The following TRPC7 variants were observed in gnomAD, a reference collection of about 807,000 sequenced individuals.
TRPC7 encodes short transient receptor potential channel 7.
TRPC7 carries 42 observed loss-of-function variants against 90.1 expected under a neutral mutation model. The observed-to-expected ratio is 0.47, with a 90% CI of 0.36 to 0.60. TRPC7 has a LOEUF of 0.60. Among genes scored for constraint, TRPC7 ranks in the 20% least tolerant of loss-of-function variants. The pLI, the probability that TRPC7 is intolerant of heterozygous loss-of-function variation, is 0.00. For synonymous variants in TRPC7, 451 were observed against 436.3 expected, an observed-to-expected ratio of 1.03 and a Z score of -0.42; for missense variants, 955 against 1,112.3, an observed-to-expected ratio of 0.86 and a Z score of 2.01.
chr5:136,275,651 C>T (rs1203433830), intron 3 of TRPC7, among the ~76,000 whole-genome samples: 1 of 152,186 alleles, frequency 6.6e-6, no homozygotes, highest in Non-Finnish European at 1.5e-5. Flanking sequence ...ACAAGACAGA[C>T]CTCTTGTGGC....
At chr5:136,311,976 T>G (rs1758846705) in intron 3 of TRPC7, among the ~76,000 whole-genome samples, 1 of 152,190 alleles carries the variant, frequency 6.6e-6, no homozygotes, top group African/African-American at 2.4e-5. Flanking sequence ...CCCATTTAAT[T>G]TTCATTATAA....
chr5:136,239,577 T>C (rs1756091877), intron 7 of TRPC7, among the ~76,000 whole-genome samples: 1 of 152,156 alleles, frequency 6.6e-6, no homozygotes. Flanking sequence ...AATATATCAT[T>C]GATTCTGATG....
chr5:136,353,761 T>G (rs947187254), intron 2 of TRPC7, among the ~76,000 whole-genome samples: 1 of 152,252 alleles, frequency 6.6e-6, no homozygotes, highest in Non-Finnish European at 1.5e-5. Flanking sequence ...CAAGCAAATG[T>G]ATTGATGCAA....
In TRPC7 at chr5:136,315,289, G is replaced by A. The variant is rs192104998; in HGVS notation, c.963+308C>T. On this transcript the variant is annotated intron_variant, in intron 3 of 11. Coordinates refer to ENST00000513104, the MANE Select transcript of TRPC7 (RefSeq NM_020389.3). ...GTTGCTAACTGATAGGAGCCCTCGC[G>A]GTGACATTGTCCCTGCCAGTGGGTT... is the stretch of plus-strand genomic sequence containing the variant. Among the ~76,000 whole-genome samples, 31 of 152,276 alleles carry A rather than the reference G, an allele frequency of 2.0e-4. No homozygotes were observed. The Middle Eastern group carries it at 0.014, about 67-fold the overall frequency.
chr5:136,356,744 G>A lies in TRPC7; in HGVS notation c.644C>T (p.Ser215Leu), dbSNP rs752775491. 6.2e-6 allele frequency: 10 copies of A among 1,612,656 alleles called. No individual in the cohort carries two copies. In the Admixed American group the frequency reaches 1.3e-4, roughly 22 times the overall value. ...EKQRKDSFSH[S>L]RSRMNAYKGL... The stretch of plus-strand genomic sequence containing the variant: ...TTTGTAGGCGTTCATGCGCGAGCGC[G>A]AGTGGCTGAAGGAGTCTTTCCGCTG... The change falls in exon 2 of 12, where the codon TCG (serine) becomes TTG (leucine). Residue 215 changes from serine to leucine, a missense_variant. By Grantham distance (145) the Ser-to-Leu change is moderately radical. Transcript: ENST00000513104.
chr5:136,229,304 T>G (rs190776713), intron 8 of TRPC7, among the ~76,000 whole-genome samples: 5 of 152,326 alleles, frequency 3.3e-5, no homozygotes, highest in Admixed American at 3.3e-4. Context: ...CCTCGCTCAA[T>G]CTATGCTCTT....
chr5:136,213,600 C>G lies in TRPC7; in HGVS notation c.2424G>C (p.Glu808Asp). 6.2e-7 allele frequency: 1 copy of G among 1,613,892 alleles called. No individual in the cohort carries two copies. ...AGATATCTTGCTTGATTTCCTTCAG[C>G]TCGCCTGCAAGGACAGAGGAGATTT... Reference protein sequence around the residue: ...DRENDEVNEGELKEIKQDISS... With the variant: ...DRENDEVNEGDLKEIKQDISS... Residue 808 changes from glutamate (E) to aspartate (D), a missense_variant, in exon 12 of 12, where the codon GAG (glutamate) becomes GAC (aspartate). Transcript: ENST00000513104.
chr5:136,273,370 G>A (rs1319822122), intron 4 of TRPC7, among the ~76,000 whole-genome samples: 1 of 152,180 alleles, frequency 6.6e-6, no homozygotes, highest in African/African-American at 2.4e-5. Context: ...GGGAAATTCT[G>A]ATCTGAAAGT....
chr5:136,310,053 G>T (rs1370500804), intron 3 of TRPC7, among the ~76,000 whole-genome samples: 2 of 152,088 alleles, frequency 1.3e-5, no homozygotes, highest in Non-Finnish European at 1.5e-5. Flanking sequence ...GGCTCACATG[G>T]TCTGTCCCCT....
At chr5:136,353,668 G>A in intron 2 of TRPC7, among the ~76,000 whole-genome samples, 1 of 152,196 alleles carries the variant, frequency 6.6e-6, no homozygotes, top group Non-Finnish European at 1.5e-5. Context: ...TAAAGGAACA[G>A]TTATGTTAAT....
intron 8 of TRPC7, among the ~76,000 whole-genome samples, chr5:136,227,976 A>G (rs1755683810): frequency 6.6e-6 from 1 of 152,134 alleles, no homozygotes; most frequent in African/African-American, 2.4e-5. Flanking sequence ...GTCACTTAGC[A>G]TTGATGGAGC....
chr5:136,272,834 G>A (rs11739588), intron 4 of TRPC7, among the ~76,000 whole-genome samples: 60,343 of 151,892 alleles, frequency 0.4, 12,446 homozygotes, highest in East Asian at 0.51. Flanking sequence ...CATCCCAGGT[G>A]CTATTACCTT....
chr5:136,319,771 C>T (rs185077572), intron 2 of TRPC7, among the ~76,000 whole-genome samples: 145 of 152,280 alleles, frequency 9.5e-4, no homozygotes, highest in Middle Eastern at 3.4e-3. Flanking sequence ...GATACATACT[C>T]TTCACTTGGC....
intron 3 of TRPC7, among the ~76,000 whole-genome samples, chr5:136,279,145 C>G (rs1293729340): frequency 6.6e-6 from 1 of 152,066 alleles, no homozygotes; most frequent in African/African-American, 2.4e-5. Context: ...TCCTGTATGC[C>G]AAGGACAGCA....
At chr5:136,323,460 T>C (rs576670933) in intron 2 of TRPC7, among the ~76,000 whole-genome samples, 1 of 152,338 alleles carries the variant, frequency 6.6e-6, no homozygotes, top group African/African-American at 2.4e-5. Context: ...AGAAGTCTTA[T>C]AGTTTGTGTT....
intron 3 of TRPC7, among the ~76,000 whole-genome samples, chr5:136,294,238 C>T (rs947741434): frequency 1.2e-4 from 19 of 152,148 alleles, no homozygotes; most frequent in African/African-American, 4.6e-4. Flanking sequence ...TGGGCAAGGA[C>T]TTCATGTCTA....
chr5:136,229,037 G>A (rs994139586), intron 8 of TRPC7, among the ~76,000 whole-genome samples: 2 of 152,178 alleles, frequency 1.3e-5, no homozygotes, highest in Non-Finnish European at 2.9e-5. Context: ...GCAGATTGCC[G>A]GGGGGAGTGG....
At chr5:136,358,159 T>C (rs2673927) in intron 1 of TRPC7, among the ~76,000 whole-genome samples, 32,854 of 151,966 alleles carry the variant, frequency 0.22, 4,156 homozygotes, top group African/African-American at 0.34. Flanking sequence ...TAGAATCCTG[T>C]CACTTTCTGA....
At chr5:136,222,211 CA>C (rs918002977) in intron 10 of TRPC7, 7 of 151,494 alleles carry the variant, frequency 4.6e-5, no homozygotes, top group African/African-American at 1.5e-4. Flanking sequence ...TCCCTTACAA[CA>C]AAGACCTCAC....
Sources: gnomAD v4.1 joint callset for allele counts (sites outside exome capture counted in the v4.1 genomes callset) on GRCh38, gnomAD v4.1.1 for gene constraint, MANE v1.5 for transcripts, NCBI Gene and HGNC (gene_info 2026-07-23, HGNC 2026-07-21) for gene names.